CTPS2: variants seen among roughly 807,000 people sequenced by gnomAD.
The protein encoded by CTPS2 is CTP synthase 2, also known as CTP synthase II.
Under a neutral mutation model 46.8 loss-of-function variants are expected in CTPS2, and 19 were observed. That is an observed-to-expected ratio of 0.41 (90% CI 0.28 to 0.60). The LOEUF (loss-of-function observed/expected upper bound fraction) is 0.60. Among genes scored for constraint, CTPS2 ranks in the 20% least tolerant of loss-of-function variants. CTPS2 has a pLI of 0.35. For missense variants in CTPS2, 286 were observed against 447.6 expected (o/e 0.64, Z 3.26); for synonymous variants, 151 against 165.2 (o/e 0.91, Z 0.66).
intron 17 of CTPS2, among the ~76,000 whole-genome samples, chrX:16,594,236 C>A (rs1437020251): frequency 2.7e-5 from 3 of 111,248 alleles, no homozygotes; most frequent in African/African-American, 9.8e-5. Flanking sequence ...ACTTCATTTC[C>A]TTGCGTGCCA....
intron 1 of CTPS2, among the ~76,000 whole-genome samples, chrX:16,705,142 C>CT (rs1327001415): frequency 1.9e-5 from 2 of 107,128 alleles, no homozygotes; most frequent in Admixed American, 1.0e-4. Context: ...TAAAATTACT[C>CT]TAAAAAAAAA....
chrX:16,667,137 C>CCT (rs1555968743), intron 13 of CTPS2, among the ~76,000 whole-genome samples: 1 of 90,061 alleles, frequency 1.1e-5, no homozygotes, highest in Non-Finnish European at 2.2e-5. Context: ...CCCCCCCCGC[C>CCT]TTTTTTTTTT....
intron 17 of CTPS2, among the ~76,000 whole-genome samples, chrX:16,593,384 G>A (rs1484451628): frequency 1.0e-5 from 1 of 99,421 alleles, no homozygotes; most frequent in Non-Finnish European, 2.0e-5. Flanking sequence ...AGCCAAGATC[G>A]CGCCACTGCA....
At chrX:16,625,306 A>G in intron 14 of CTPS2, among the ~76,000 whole-genome samples, 1 of 112,697 alleles carries the variant, frequency 8.9e-6, no homozygotes, top group Non-Finnish European at 1.9e-5. Context: ...CAAATACTGT[A>G]TGATTCTACT....
chrX:16,662,686 T>C (rs1328972179), intron 13 of CTPS2, among the ~76,000 whole-genome samples: 1 of 102,482 alleles, frequency 9.8e-6, no homozygotes, highest in Non-Finnish European at 2.0e-5. Flanking sequence ...CTTATGATTC[T>C]ATCTCCTTAG....
upstream of CTPS2, chrX:16,712,714 T>A (rs192851349): frequency 2.7e-5 from 3 of 113,153 alleles, no homozygotes; most frequent in East Asian, 8.4e-4. Context: ...CTCCCTCCCG[T>A]GGCTCACTTT....
chrX:16,618,743 A>C (rs1315591194), intron 15 of CTPS2, among the ~76,000 whole-genome samples: 1 of 112,195 alleles, frequency 8.9e-6, no homozygotes, highest in Non-Finnish European at 1.9e-5. Context: ...TCATTTGTAC[A>C]TCTTCTTTGA....
chrX:16,698,437 C>G, intron 3 of CTPS2, 101 bp from the exon 4 acceptor site: 1 of 535,963 alleles, frequency 1.9e-6, no homozygotes, highest in Non-Finnish European at 3.1e-6. Flanking sequence ...GGCAAGTTAC[C>G]CTGACATATT....
chrX:16,685,468 C>T (rs973321584), intron 8 of CTPS2, among the ~76,000 whole-genome samples: 2 of 110,587 alleles, frequency 1.8e-5, no homozygotes, highest in East Asian at 5.8e-4. Context: ...TCAGCCATCA[C>T]CGAATGTGAG....
intron 16 of CTPS2, among the ~76,000 whole-genome samples, chrX:16,615,733 A>G (rs1200325621): frequency 9.0e-6 from 1 of 111,562 alleles, no homozygotes; most frequent in Non-Finnish European, 1.9e-5. Context: ...TGTTCATCAA[A>G]CCTAAGCATA....
intron 8 of CTPS2, among the ~76,000 whole-genome samples, chrX:16,687,333 G>T (rs1923281532): frequency 9.2e-6 from 1 of 108,336 alleles, no homozygotes; most frequent in Admixed American, 1.0e-4. Context: ...AAATTAGTTG[G>T]CCGTGGTGTA....
At chrX:16,622,175 G>T (rs1252590688) in intron 14 of CTPS2, among the ~76,000 whole-genome samples, 1 of 110,655 alleles carries the variant, frequency 9.0e-6, no homozygotes, top group South Asian at 3.9e-4. Flanking sequence ...GAAGCTGAGA[G>T]GGGGAGGATC....
At chrX:16,628,479 A>C (rs1211183177) in intron 14 of CTPS2, among the ~76,000 whole-genome samples, 2 of 110,304 alleles carry the variant, frequency 1.8e-5, no homozygotes, top group Non-Finnish European at 3.8e-5. Context: ...GATTCTCCTG[A>C]CTCAGTCTCT....
chrX:16,625,466 G>A (rs971717172), intron 14 of CTPS2, among the ~76,000 whole-genome samples: 1 of 111,667 alleles, frequency 9.0e-6, no homozygotes, highest in Non-Finnish European at 1.9e-5. Context: ...GATCCAGGGC[G>A]AACACTTTTG....
intron 17 of CTPS2, among the ~76,000 whole-genome samples, chrX:16,591,691 G>C (rs1156544622): frequency 9.0e-6 from 1 of 111,322 alleles, no homozygotes; most frequent in Non-Finnish European, 1.9e-5. Flanking sequence ...TGTGCAAGAA[G>C]TTCTCTCTGA....
rs1188490741 is a variant in CTPS2 at position 16,702,723 on chromosome X, G to A, written c.166+14C>T. 8.3e-7 allele frequency: 1 copy of A among 1,201,811 alleles called. No individual in the cohort carries two copies. Among genetic ancestry groups the A allele is most frequent in the Non-Finnish European group, 1.1e-6 (1 of 887,331 alleles). On this transcript the variant is annotated intron_variant, in intron 2 of 18. Transcript: ENST00000359276. ...AGCCTAGTGCTATAAGGGGGAAGTG[G>A]TTCACTTTCGTACCGTGTTCATAAG...
At chrX:16,680,099 C>T (rs1937982779) in intron 9 of CTPS2, among the ~76,000 whole-genome samples, 1 of 111,617 alleles carries the variant, frequency 9.0e-6, no homozygotes, top group Non-Finnish European at 1.9e-5. Context: ...GAGAGATAGA[C>T]AGATGCAGCC....
chrX:16,656,441 G>A (rs1318338468), intron 13 of CTPS2, among the ~76,000 whole-genome samples: 28 of 104,927 alleles, frequency 2.7e-4, no homozygotes, highest in Non-Finnish European at 5.0e-4. Context: ...ACGAAGTCTC[G>A]CTCTGTCGCC....
chrX:16,601,435 C>T (rs2043869053), intron 17 of CTPS2, among the ~76,000 whole-genome samples: 1 of 110,902 alleles, frequency 9.0e-6, no homozygotes, highest in African/African-American at 3.3e-5. Context: ...GATATAGATC[C>T]CTATTCCCCT....
Sources: gnomAD v4.1 joint callset for allele counts (sites outside exome capture counted in the v4.1 genomes callset) on GRCh38, gnomAD v4.1.1 for gene constraint, MANE v1.5 for transcripts, NCBI Gene and HGNC (gene_info 2026-07-23, HGNC 2026-07-21) for gene names.